Variants in NFKB1 observed in about 807,000 individuals in gnomAD.
The protein encoded by NFKB1 is nuclear factor NF-kappa-B p105 subunit.
NFKB1 carries 9 observed loss-of-function variants against 105.1 expected under a neutral mutation model. The observed-to-expected ratio is 0.09, with a 90% CI of 0.05 to 0.15. The LOEUF (loss-of-function observed/expected upper bound fraction) is 0.15. NFKB1 is among the 10% of genes least tolerant of loss of function. NFKB1 has a pLI of 1.00. For synonymous variants in NFKB1, 440 were observed against 442.2 expected (o/e 1.00, Z 0.06); for missense variants, 830 against 1,203.7 (o/e 0.69, Z 4.59).
intron 10 of NFKB1, 77 bp downstream of exon 10, chr4:102,583,034 C>A: frequency 1.0e-6 from 1 of 970,328 alleles, no homozygotes; most frequent in Non-Finnish European, 1.6e-6. Flanking sequence ...GGCTGCAGTG[C>A]AGTGGTACAA....
intron 1 of NFKB1, among the ~76,000 whole-genome samples, chr4:102,517,075 A>G (rs1740236673): frequency 6.6e-6 from 1 of 152,144 alleles, no homozygotes; most frequent in Non-Finnish European, 1.5e-5. Context: ...GTCTTGTCCT[A>G]CACTATCACA....
At chr4:102,524,807 G>T (rs1740797480) in intron 1 of NFKB1, among the ~76,000 whole-genome samples, 1 of 152,194 alleles carries the variant, frequency 6.6e-6, no homozygotes, top group Non-Finnish European at 1.5e-5. Flanking sequence ...TCACAATAGG[G>T]TTTATGCTCC....
At chr4:102,600,119 G>A (rs1727011050) in intron 15 of NFKB1, among the ~76,000 whole-genome samples, 1 of 152,200 alleles carries the variant, frequency 6.6e-6, no homozygotes, top group South Asian at 2.1e-4. Flanking sequence ...GCATAACCAA[G>A]CAGTAAATTT....
intron 4 of NFKB1, among the ~76,000 whole-genome samples, chr4:102,535,454 G>A (rs1399374957): frequency 6.6e-6 from 1 of 152,110 alleles, no homozygotes; most frequent in Non-Finnish European, 1.5e-5. Context: ...AAAACAATGT[G>A]TTTACCAAAG....
chr4:102,616,323 G>T, intron 23 of NFKB1, 111 bp from the exon 24 acceptor site: 1 of 1,144,722 alleles, frequency 8.7e-7, no homozygotes, highest in Non-Finnish European at 1.3e-6. Flanking sequence ...GGTGGCATAG[G>T]TGGGATGTGT....
intron 11 of NFKB1, among the ~76,000 whole-genome samples, chr4:102,591,897 G>A (rs1311430254): frequency 6.6e-6 from 1 of 152,190 alleles, no homozygotes; most frequent in Non-Finnish European, 1.5e-5. Context: ...AAAACCCTGT[G>A]GAAAGGATTT....
At chr4:102,603,378 A>G (rs187112886) in intron 16 of NFKB1, among the ~76,000 whole-genome samples, 60 of 134,974 alleles carry the variant, frequency 4.4e-4, no homozygotes, top group African/African-American at 1.6e-3. Context: ...GCCAGTAGCT[A>G]TGATTTTTTT....
chr4:102,526,484 T>C (rs937840302), intron 2 of NFKB1, among the ~76,000 whole-genome samples: 1 of 152,194 alleles, frequency 6.6e-6, no homozygotes, highest in African/African-American at 2.4e-5. Flanking sequence ...ATTGCACTTG[T>C]ACCCCATCAA....
At chr4:102,563,726 G>A (rs913489244) in intron 5 of NFKB1, among the ~76,000 whole-genome samples, 9 of 151,858 alleles carry the variant, frequency 5.9e-5, no homozygotes, top group Admixed American at 5.9e-4. Context: ...CAGCTGGTTT[G>A]CGCCTAAAGT....
rs772730309 is a variant in NFKB1 at position 102,519,464 on chromosome 4, C to G, written c.-7-6048C>G. Among the ~76,000 whole-genome samples the G allele has an allele frequency of 2.1e-4, 31 of 150,254 alleles. 1 individual carries two copies. The highest frequency in any genetic ancestry group is 1.9e-3 in the South Asian group (9 of 4,794). On this transcript the variant is annotated intron_variant, in intron 1 of 23. Transcript: ENST00000226574. ...GGTTCAGGGAGAATCTCTTTATTCT[C>G]CTTCTATCTTTTGAGATAGACCAAA...
intron 12 of NFKB1, among the ~76,000 whole-genome samples, chr4:102,594,496 G>A (rs1726442216): frequency 6.6e-6 from 1 of 152,102 alleles, no homozygotes; most frequent in Admixed American, 6.5e-5. Context: ...TTTTTCCATT[G>A]AGGAGTCAGT....
At chr4:102,578,017 T>A in intron 7 of NFKB1, 1 of 984,346 alleles carries the variant, frequency 1.0e-6, no homozygotes, top group Non-Finnish European at 1.2e-6. Context: ...GGCCTCAGGC[T>A]GCATTTCCAA....
Position 102,576,142 on chromosome 4 carries a change from C to T in NFKB1, c.408-734C>T, listed in dbSNP as rs779427262. ...CATATTTTGTTTTATAAATATGTAGCCTTCGTGAGATAAAAGATTCTCCAT... is the reference window on the plus strand; with the variant it reads ...CATATTTTGTTTTATAAATATGTAGTCTTCGTGAGATAAAAGATTCTCCAT... On this transcript the variant is annotated intron_variant, in intron 6 of 23. Transcript: ENST00000226574. Among the ~76,000 whole-genome samples the T allele has an allele frequency of 7.9e-5, 12 of 152,136 alleles. 1 individual carries two copies. Among genetic ancestry groups the T allele is most frequent in the Admixed American group, 3.3e-4 (5 of 15,288 alleles).
At chr4:102,566,841 C>CT in intron 5 of NFKB1, 146 bp from the exon 6 acceptor site, 1 of 752,456 alleles carries the variant, frequency 1.3e-6, no homozygotes, top group Non-Finnish European at 2.1e-6. Flanking sequence ...TCATCACATA[C>CT]TTTTAAAAAC....
Position 102,501,563 on chromosome 4 carries a change from C to T in NFKB1, c.-233C>T, listed in dbSNP as rs1739018253. The T allele has an allele frequency of 6.8e-6, 1 of 146,978 alleles. No individual in the cohort carries two copies. Among genetic ancestry groups the T allele is most frequent in the African/African-American group, 2.4e-5 (1 of 40,932 alleles). 9.1% of individuals were successfully genotyped at this position (146,978 alleles called of 1,614,324 possible). On this transcript the variant is annotated 5_prime_UTR_variant, in exon 1 of 24. Coordinates refer to ENST00000226574, the MANE Select transcript of NFKB1 (RefSeq NM_003998.4). Reference sequence around the variant, plus strand: ...CCGGCCAGTAAGGCGGCGCCGCCGCCCGGCCACCGCGCGCCCTGCGCTTCC... The same window carrying T: ...CCGGCCAGTAAGGCGGCGCCGCCGCTCGGCCACCGCGCGCCCTGCGCTTCC...
At chr4:102,541,146 A>G (rs1396935292) in intron 5 of NFKB1, among the ~76,000 whole-genome samples, 1 of 152,164 alleles carries the variant, frequency 6.6e-6, no homozygotes, top group African/African-American at 2.4e-5. Flanking sequence ...GACTCACTAG[A>G]TGCTAATAGG....
chr4:102,599,661 G>A (rs1238050518), intron 15 of NFKB1, among the ~76,000 whole-genome samples: 2 of 152,172 alleles, frequency 1.3e-5, no homozygotes, highest in Admixed American at 1.3e-4. Flanking sequence ...AGACAGGCCT[G>A]GGCTTGAATC....
intron 5 of NFKB1, among the ~76,000 whole-genome samples, chr4:102,555,956 T>C (rs946102992): frequency 6.6e-6 from 1 of 152,146 alleles, no homozygotes; most frequent in Non-Finnish European, 1.5e-5. Flanking sequence ...GTTGGAAGAA[T>C]TGCAGTGATT....
chr4:102,563,299 A>C (rs1723589298), intron 5 of NFKB1, among the ~76,000 whole-genome samples: 1 of 152,184 alleles, frequency 6.6e-6, no homozygotes, highest in South Asian at 2.1e-4. Flanking sequence ...GTCTCCAAGA[A>C]TGATAGCTGT....
Sources: allele counts gnomAD v4.1 joint callset (sites outside exome capture counted in the v4.1 genomes callset), GRCh38; gene constraint gnomAD v4.1.1; transcripts MANE v1.5; gene names NCBI Gene and HGNC (gene_info 2026-07-23, HGNC 2026-07-21).